AGFG1: variants seen among roughly 807,000 people sequenced by gnomAD.
The protein encoded by AGFG1 is ArfGAP with FG repeats 1.
A neutral mutation model predicts 60.6 loss-of-function variants in AGFG1; 10 were observed. The ratio of observed to expected loss-of-function variants is 0.16; its 90% CI spans 0.10 to 0.28. The LOEUF (loss-of-function observed/expected upper bound fraction) is 0.28, where lower values mean the gene tolerates loss of function less well. Ranked by LOEUF, AGFG1 falls within the 10% of genes least tolerant of loss-of-function variation. AGFG1 has a pLI of 1.00. For missense variants in AGFG1, 537 were observed against 676.5 expected, an observed-to-expected ratio of 0.79 and a Z score of 2.29; for synonymous variants, 247 against 242.9, an observed-to-expected ratio of 1.02 and a Z score of -0.16.
chr2:227,545,859 G>A (rs1321647945), intron 10 of AGFG1, among the ~76,000 whole-genome samples: 4 of 152,096 alleles, frequency 2.6e-5, no homozygotes, highest in African/African-American at 4.8e-5. Flanking sequence ...TGGAAGCTTC[G>A]TCTCAGAGGG....
rs539581760 is a variant in AGFG1 at position 227,543,964 on chromosome 2, T to G, written c.1378+6971T>G. Among the ~76,000 whole-genome samples the G allele has an allele frequency of 3.4e-3, 515 of 152,296 alleles. 3 individuals carry two copies. Among genetic ancestry groups the G allele is most frequent in the African/African-American group, 0.012 (489 of 41,578 alleles). On this transcript the variant is annotated intron_variant, in intron 10 of 12. Transcript: ENST00000310078. Reference sequence around the variant, plus strand: ...TTGTCTCTTTTGATCTTTGTTGGTTTAAAGTCTGTTTTATCAGAGACTAGG... The same window carrying G: ...TTGTCTCTTTTGATCTTTGTTGGTTGAAAGTCTGTTTTATCAGAGACTAGG...
chr2:227,482,458 C>T (rs533017215), intron 1 of AGFG1, among the ~76,000 whole-genome samples: 1 of 152,246 alleles, frequency 6.6e-6, no homozygotes, highest in South Asian at 2.1e-4. Flanking sequence ...ACTAAAGGCA[C>T]CTTCCTTCCA....
In AGFG1 at chr2:227,555,869, C is replaced by T. The variant is rs918598968; in HGVS notation, c.*1374C>T. 1 of 152,062 alleles carries T rather than the reference C, an allele frequency of 6.6e-6. No homozygotes were observed. 9.4% of individuals were successfully genotyped at this position (152,062 alleles called of 1,614,324 possible). ...AAGTCACAAAGTCTGTGTGTTAGAG[C>T]TTATGCATTTGTTTTTATGAGAGAT... On this transcript the variant is annotated 3_prime_UTR_variant, in exon 13 of 13. Coordinates refer to ENST00000310078, the MANE Select transcript of AGFG1 (RefSeq NM_004504.5).
chr2:227,524,954 T>C (rs753626808), intron 5 of AGFG1, 39 bp downstream of exon 5: 1 of 1,606,608 alleles, frequency 6.2e-7, no homozygotes, highest in East Asian at 2.2e-5. Flanking sequence ...TGGGGATGCA[T>C]ATAAAACACC....
rs551150491 is a variant in AGFG1 at position 227,484,250 on chromosome 2, G to T, written c.168-7297G>T. ...GTGGCCCAGGCTGGAGTGCAGTGGC[G>T]TGATCTCGGCTCACTGCAACCTCTG... On this transcript the variant is annotated intron_variant, in intron 1 of 12. Transcript: ENST00000310078. Among the ~76,000 whole-genome samples, 12 of 151,214 alleles carry T rather than the reference G, an allele frequency of 7.9e-5. No individual in the cohort carries two copies. The South Asian group carries it at 2.5e-3, about 32-fold the overall frequency.
chr2:227,483,630 C>T (rs953847395), intron 1 of AGFG1, among the ~76,000 whole-genome samples: 2 of 152,110 alleles, frequency 1.3e-5, no homozygotes, highest in African/African-American at 4.8e-5. Context: ...AAGATTAATC[C>T]AAGTTAGTTG....
chr2:227,533,499 G>T (rs753284247), intron 6 of AGFG1, 50 bp from the exon 7 acceptor site: 86 of 1,462,700 alleles, frequency 5.9e-5, no homozygotes, highest in Non-Finnish European at 7.9e-5. Flanking sequence ...CTATGAGAGG[G>T]TACTAGGAAA....
At chr2:227,472,706 G>A (rs986423191) in intron 1 of AGFG1, 118 bp downstream of exon 1, 88 of 1,198,130 alleles carry the variant, frequency 7.3e-5, no homozygotes, top group African/African-American at 1.6e-5. Context: ...AGGCGGTCGG[G>A]GGCGGCCGTT....
At chr2:227,537,614 C>G (rs1272112822) in intron 10 of AGFG1, among the ~76,000 whole-genome samples, 1 of 152,094 alleles carries the variant, frequency 6.6e-6, no homozygotes, top group Non-Finnish European at 1.5e-5. Flanking sequence ...GTAAGCCATT[C>G]ACATCTTTCT....
At position 227,556,913 on chromosome 2, in the gene AGFG1, A is replaced by T. The variant is rs1692984942; in HGVS notation, c.*2418A>T. On this transcript the variant is annotated 3_prime_UTR_variant, in exon 13 of 13. Coordinates refer to ENST00000310078, the MANE Select transcript of AGFG1 (RefSeq NM_004504.5). ...CACACCACTGCACACCAGCCTGGGG[A>T]TAGAGTGAGATCCCATCTCTAAAAA... 1.3e-5 allele frequency: 2 copies of T among 152,284 alleles called. No individual in the cohort carries two copies. The highest frequency in any genetic ancestry group is 2.1e-4 in the South Asian group (1 of 4,828). The allele number at this position is 152,284 out of a possible 1,614,324, so 9.4% of individuals were successfully genotyped here.
At chr2:227,526,338 C>T (rs1034118029) in intron 5 of AGFG1, among the ~76,000 whole-genome samples, 6 of 151,902 alleles carry the variant, frequency 3.9e-5, no homozygotes, top group Admixed American at 2.6e-4. Context: ...GGATTACAAG[C>T]GTGTGCCACA....
rs1692323719 is a variant in AGFG1, at chr2:227,536,661, A to G, written c.1242A>G (p.Ala414=). ...VFGTVPVVAS[A]QTQPASSSVP... ...GAACAGTGCCAGTGGTTGCTTCTGC[A>G]CAGACACAGCCTGCTTCATCAAGTG... Residue 414 remains alanine, a synonymous_variant, in exon 9 of 13, where the codon GCA becomes GCG. Coordinates refer to ENST00000310078, the MANE Select transcript of AGFG1 (RefSeq NM_004504.5). 1.4e-5 allele frequency: 23 copies of G among 1,613,662 alleles called. No homozygotes were observed. In the East Asian group the frequency reaches 5.1e-4, roughly 36 times the overall value.
chr2:227,473,236 A>C (rs917294783), intron 1 of AGFG1, among the ~76,000 whole-genome samples: 1 of 152,142 alleles, frequency 6.6e-6, no homozygotes, highest in Non-Finnish European at 1.5e-5. Context: ...TCCCCTGGGA[A>C]AAGTTCGAAA....
At chr2:227,516,903 T>C (rs569868278) in intron 2 of AGFG1, among the ~76,000 whole-genome samples, 2 of 152,292 alleles carry the variant, frequency 1.3e-5, no homozygotes, top group East Asian at 3.9e-4. Flanking sequence ...TTTGGGAAGT[T>C]TTAAAATAGA....
At position 227,491,346 on chromosome 2, in the gene AGFG1, A is replaced by C. The variant is rs187990863; in HGVS notation, c.168-201A>C. 1.5e-3 allele frequency among the ~76,000 whole-genome samples: 227 copies of C among 152,262 alleles called. 1 individual carries two copies. Among genetic ancestry groups the C allele is most frequent in the Non-Finnish European group, 2.5e-3 (169 of 67,996 alleles). On this transcript the variant is annotated intron_variant, in intron 1 of 12. Transcript: ENST00000310078. Reference sequence around the variant, plus strand: ...GTTAATTGAATTTATTGTTAAGTCTATTATTTAATGAGTCTAACCAAACCT... The same window carrying C: ...GTTAATTGAATTTATTGTTAAGTCTCTTATTTAATGAGTCTAACCAAACCT...
chr2:227,509,025 G>T (rs1691413441), intron 2 of AGFG1, among the ~76,000 whole-genome samples: 1 of 152,112 alleles, frequency 6.6e-6, no homozygotes, highest in South Asian at 2.1e-4. Flanking sequence ...TAAAATGTAA[G>T]TCATAAAGGA....
chr2:227,552,791 C>T (rs188648714), intron 11 of AGFG1, among the ~76,000 whole-genome samples: 1,775 of 150,896 alleles, frequency 0.012, 10 homozygotes, highest in Non-Finnish European at 0.02. Flanking sequence ...CATCTGAGCT[C>T]GGGAGTTCAG....
intron 1 of AGFG1, among the ~76,000 whole-genome samples, chr2:227,475,691 A>G (rs1462082309): frequency 2.0e-5 from 3 of 152,220 alleles, no homozygotes; most frequent in Non-Finnish European, 1.5e-5. Flanking sequence ...CTAGGCCACT[A>G]CATGCAGATT....
intron 2 of AGFG1, among the ~76,000 whole-genome samples, chr2:227,499,595 G>A (rs1441168396): frequency 6.6e-6 from 1 of 150,772 alleles, no homozygotes; most frequent in African/African-American, 2.4e-5. Context: ...AGCCAAGATG[G>A]CACCACTGTA....
Sources: gnomAD v4.1 joint callset for allele counts (sites outside exome capture counted in the v4.1 genomes callset) on GRCh38, gnomAD v4.1.1 for gene constraint, MANE v1.5 for transcripts, NCBI Gene and HGNC (gene_info 2026-07-23, HGNC 2026-07-21) for gene names.